Variants in RMST observed in about 807,000 individuals in gnomAD.
RMST encodes the protein rhabdomyosarcoma 2 associated transcript, also known as long intergenic non-protein coding RNA 54.
chr12:97,549,344 T>G (rs1022186685), intron 11 of RMST, among the ~76,000 whole-genome samples: 7 of 152,220 alleles, frequency 4.6e-5, no homozygotes, highest in Admixed American at 4.6e-4. Context: ...AAAAGAGCCA[T>G]TCTCAGAGAG....
intron 10 of RMST, among the ~76,000 whole-genome samples, chr12:97,496,587 G>A (rs553824406): frequency 1.3e-5 from 2 of 152,246 alleles, no homozygotes; most frequent in Non-Finnish European, 2.9e-5. Flanking sequence ...ATTTTGTGAA[G>A]CTCACTTAAT....
intron 10 of RMST, among the ~76,000 whole-genome samples, chr12:97,496,842 T>A (rs189175997): frequency 6.6e-6 from 1 of 152,162 alleles, no homozygotes; most frequent in African/African-American, 2.4e-5. Flanking sequence ...TGCATTGACA[T>A]TGAATGCATT....
intron 7 of RMST, among the ~76,000 whole-genome samples, chr12:97,493,652 T>G (rs1372817675): frequency 6.6e-6 from 1 of 152,116 alleles, no homozygotes; most frequent in African/African-American, 2.4e-5. Context: ...CAGCAACCCG[T>G]CAGTTTCCAA....
intron 10 of RMST, among the ~76,000 whole-genome samples, chr12:97,509,672 A>T (rs1879078396): frequency 6.6e-6 from 1 of 152,166 alleles, no homozygotes; most frequent in Non-Finnish European, 1.5e-5. Flanking sequence ...CTGGAGACAA[A>T]TACGAGTAAG....
intron 11 of RMST, among the ~76,000 whole-genome samples, chr12:97,558,961 T>A (rs916905368): frequency 2.0e-5 from 3 of 152,162 alleles, no homozygotes; most frequent in African/African-American, 7.2e-5. Flanking sequence ...AATATACTCT[T>A]CCTAGAGGGA....
chr12:97,537,312 T>C (rs1318217441), intron 11 of RMST, among the ~76,000 whole-genome samples: 3 of 151,386 alleles, frequency 2.0e-5, no homozygotes, highest in East Asian at 1.9e-4. Context: ...GAATCAACTT[T>C]ACTATGTGGA....
At chr12:97,497,570 T>C (rs1278456862) in intron 10 of RMST, among the ~76,000 whole-genome samples, 1 of 152,152 alleles carries the variant, frequency 6.6e-6, no homozygotes, top group African/African-American at 2.4e-5. Flanking sequence ...CCCCTCATTG[T>C]CTAATAACAT....
chr12:97,505,769 G>T (rs1878597540), intron 10 of RMST, among the ~76,000 whole-genome samples: 1 of 152,106 alleles, frequency 6.6e-6, no homozygotes, highest in South Asian at 2.1e-4. Context: ...TGATATCACT[G>T]CCATGACAAG....
intron 10 of RMST, among the ~76,000 whole-genome samples, chr12:97,513,086 C>CCA (rs1879575661): frequency 6.6e-6 from 1 of 152,220 alleles, no homozygotes; most frequent in African/African-American, 2.4e-5. Context: ...CCCGCAAGCA[C>CCA]CGCGCGCAGC....
chr12:97,475,802 G>A (rs578112580), intron 5 of RMST, among the ~76,000 whole-genome samples: 1 of 151,950 alleles, frequency 6.6e-6, no homozygotes, highest in East Asian at 1.9e-4. Context: ...GGACATGCAG[G>A]TTTCAAAAAT....
chr12:97,516,572 G>C (rs1879960145), intron 10 of RMST, among the ~76,000 whole-genome samples: 1 of 151,698 alleles, frequency 6.6e-6, no homozygotes, highest in Admixed American at 6.6e-5. Context: ...TTACAATTAG[G>C]AGTGAAGGTA....
chr12:97,551,171 TAAAAAAAAAA>T (rs371319102), intron 11 of RMST, among the ~76,000 whole-genome samples: 2 of 132,322 alleles, frequency 1.5e-5, no homozygotes, highest in African/African-American at 5.4e-5. Context: ...TCATTGTTTT[TAAAAAAAAAA>T]AAAAAAAAAG....
At chr12:97,557,504 AC>A (rs1883790958) in intron 11 of RMST, among the ~76,000 whole-genome samples, 1 of 152,080 alleles carries the variant, frequency 6.6e-6, no homozygotes, top group Non-Finnish European at 1.5e-5. Context: ...TACCTATGAA[AC>A]CCTTTCAGAA....
At chr12:97,553,546 G>T (rs931746833) in intron 11 of RMST, among the ~76,000 whole-genome samples, 8 of 152,190 alleles carry the variant, frequency 5.3e-5, no homozygotes, top group African/African-American at 1.9e-4. Context: ...GGTGGTTGCA[G>T]GTTGTGGGCT....
intron 8 of RMST, among the ~76,000 whole-genome samples, chr12:97,494,176 G>T (rs1277397964): frequency 6.6e-6 from 1 of 152,150 alleles, no homozygotes; most frequent in Non-Finnish European, 1.5e-5. Flanking sequence ...GGTAGCATTT[G>T]GTTGTTCTAT....
intron 11 of RMST, among the ~76,000 whole-genome samples, chr12:97,546,083 G>A (rs770893952): frequency 8.5e-5 from 13 of 152,060 alleles, no homozygotes; most frequent in East Asian, 1.9e-4. Context: ...AAGGAGATAC[G>A]CCTCAATCAT....
chr12:97,531,302 G>A (rs755267376), intron 11 of RMST, among the ~76,000 whole-genome samples: 15 of 151,926 alleles, frequency 9.9e-5, no homozygotes, highest in African/African-American at 2.2e-4. Flanking sequence ...TTCTATTTTC[G>A]TTTCAAGACA....
At chr12:97,563,445 G>A in intron 13 of RMST, 1 of 245,844 alleles carries the variant, frequency 4.1e-6, no homozygotes, top group Non-Finnish European at 7.9e-6. Context: ...GGAGCAAGAG[G>A]CTTGAAATAA....
intron 10 of RMST, among the ~76,000 whole-genome samples, chr12:97,511,962 T>G (rs1879356188): frequency 6.6e-6 from 1 of 152,198 alleles, no homozygotes; most frequent in African/African-American, 2.4e-5. Context: ...ATTGGTGAGT[T>G]CTTAGTCTCA....
Sources: gnomAD v4.1 joint callset for allele counts (sites outside exome capture counted in the v4.1 genomes callset) on GRCh38, gnomAD v4.1.1 for gene constraint, MANE v1.5 for transcripts, NCBI Gene and HGNC (gene_info 2026-07-23, HGNC 2026-07-21) for gene names.